PLXNA4: variants seen among roughly 807,000 people sequenced by gnomAD.
The protein encoded by PLXNA4 is plexin-A4.
PLXNA4 carries 44 observed loss-of-function variants against 191.8 expected under a neutral mutation model. The ratio of observed to expected loss-of-function variants is 0.23; its 90% confidence interval spans 0.18 to 0.29. The LOEUF (loss-of-function observed/expected upper bound fraction) is 0.29. PLXNA4 is among the 10% of genes least tolerant of loss of function. PLXNA4 has a pLI of 1.00. For missense variants in PLXNA4, 1,800 were observed against 2,488.8 expected (o/e 0.72, Z 5.89); for synonymous variants, 1,082 against 1,009.5 (o/e 1.07, Z -1.36).
intron 3 of PLXNA4, among the ~76,000 whole-genome samples, chr7:132,336,595 GT>G (rs1444396720): frequency 6.6e-6 from 1 of 152,162 alleles, no homozygotes; most frequent in Non-Finnish European, 1.5e-5. Flanking sequence ...CATCTACTAT[GT>G]GCTAGGTGCT....
chr7:132,361,815 G>T lies in PLXNA4; in HGVS notation c.1372-63593C>A, dbSNP rs114762225. Among the ~76,000 whole-genome samples the T allele has an allele frequency of 5.4e-3, 827 of 152,172 alleles. 6 individuals are homozygous for T. Among genetic ancestry groups the T allele is most frequent in the African/African-American group, 0.019 (806 of 41,504 alleles). On this transcript the variant is annotated intron_variant, in intron 3 of 31. Transcript: ENST00000321063. ...TCCCTCCTGTGTTCTATTATGGTGG[G>T]GGTGTGGCTGTGTGTGTGTGTGTGC...
chr7:132,583,651 GCCCAAGGTGA>G (rs1802450482), intron 2 of PLXNA4, among the ~76,000 whole-genome samples: 2 of 152,204 alleles, frequency 1.3e-5, no homozygotes, highest in African/African-American at 4.8e-5. Context: ...CAGTGCTTAG[GCCCAAGGTGA>G]CCTCTCTCCA....
At chr7:132,289,198 TAGA>T (rs1424440696) in intron 4 of PLXNA4, among the ~76,000 whole-genome samples, 2 of 152,188 alleles carry the variant, frequency 1.3e-5, no homozygotes, top group Non-Finnish European at 2.9e-5. Context: ...TGCAAATAAA[TAGA>T]AGAAGGAAAG....
intron 1 of PLXNA4, among the ~76,000 whole-genome samples, chr7:132,537,344 A>C (rs940452480): frequency 2.0e-5 from 3 of 152,252 alleles, no homozygotes; most frequent in Non-Finnish European, 4.4e-5. Flanking sequence ...CCTACCAAGC[A>C]CGACAAATGA....
intron 14 of PLXNA4, among the ~76,000 whole-genome samples, chr7:132,191,298 TG>T (rs1397143512): frequency 2.0e-5 from 3 of 152,094 alleles, no homozygotes; most frequent in African/African-American, 7.2e-5. Flanking sequence ...GGTGATGGAT[TG>T]ATGTCAGGAA....
rs377085129 is a variant in PLXNA4 at position 132,188,013 on chromosome 7, T to TA, written c.2857-407dup. Reference sequence around the variant, plus strand: ...AGCTAGTTTTCCAAGGTCACACAGCTAAAAAAAAAAAATGGCATAACTGAG... The same window carrying TA: ...AGCTAGTTTTCCAAGGTCACACAGCTAAAAAAAAAAAAATGGCATAACTGAG... On this transcript the variant is annotated intron_variant, in intron 14 of 31. Coordinates refer to ENST00000321063, the MANE Select transcript of PLXNA4 (RefSeq NM_020911.2). Among the ~76,000 whole-genome samples, 1,440 of 144,366 alleles carry TA rather than the reference T, an allele frequency of 1.0e-2. 16 individuals are homozygous for TA. Among genetic ancestry groups the TA allele is most frequent in the African/African-American group, 0.032 (1,258 of 39,504 alleles). 94.7% of individuals were successfully genotyped at this position (144,366 alleles called of 152,430 possible).
chr7:132,225,620 C>CG (rs991607411), intron 8 of PLXNA4, among the ~76,000 whole-genome samples: 4 of 151,288 alleles, frequency 2.6e-5, no homozygotes, highest in Admixed American at 6.8e-5. Flanking sequence ...GAGTCCGCCC[C>CG]CCCCCACAGC....
intron 3 of PLXNA4, among the ~76,000 whole-genome samples, chr7:132,344,322 T>A (rs993954826): frequency 6.6e-6 from 1 of 152,194 alleles, no homozygotes; most frequent in Non-Finnish European, 1.5e-5. Context: ...ATTTTCTACA[T>A]GTGCTACGAT....
At chr7:132,248,366 T>C (rs1049086164) in intron 4 of PLXNA4, among the ~76,000 whole-genome samples, 3 of 152,210 alleles carry the variant, frequency 2.0e-5, no homozygotes, top group African/African-American at 7.2e-5. Flanking sequence ...TGAGGATTCA[T>C]GTCTATTGTA....
intron 3 of PLXNA4, among the ~76,000 whole-genome samples, chr7:132,430,621 A>G (rs1444830525): frequency 3.3e-5 from 5 of 152,188 alleles, no homozygotes; most frequent in Admixed American, 3.3e-4. Context: ...GTCTATAAGA[A>G]CATGCATAGC....
At chr7:132,407,390 G>C (rs146837429) in intron 3 of PLXNA4, among the ~76,000 whole-genome samples, 1 of 152,350 alleles carries the variant, frequency 6.6e-6, no homozygotes, top group African/African-American at 2.4e-5. Context: ...AGTGTGAGAA[G>C]TGTGTTTTTG....
intron 3 of PLXNA4, among the ~76,000 whole-genome samples, chr7:132,436,613 G>A (rs1264139155): frequency 6.6e-6 from 1 of 152,180 alleles, no homozygotes; most frequent in Non-Finnish European, 1.5e-5. Flanking sequence ...GCAAAGAAAA[G>A]TCCCTATGCA....
intron 3 of PLXNA4, among the ~76,000 whole-genome samples, chr7:132,437,579 A>T (rs1795524116): frequency 6.6e-6 from 1 of 151,632 alleles, no homozygotes; most frequent in South Asian, 2.1e-4. Context: ...GAAAAAAAAA[A>T]AAAAAACAGA....
chr7:132,267,200 A>G (rs536281577), intron 4 of PLXNA4, among the ~76,000 whole-genome samples: 1 of 152,338 alleles, frequency 6.6e-6, no homozygotes, highest in South Asian at 2.1e-4. Context: ...AATTTCAGTC[A>G]TCAGTTCACC....
At chr7:132,426,940 C>G (rs1019651206) in intron 3 of PLXNA4, among the ~76,000 whole-genome samples, 1 of 152,128 alleles carries the variant, frequency 6.6e-6, no homozygotes, top group African/African-American at 2.4e-5. Context: ...CCCTAGAGTC[C>G]TAGAGTCCCA....
chr7:132,621,709 A>G (rs967737049), intron 2 of PLXNA4, among the ~76,000 whole-genome samples: 3 of 152,356 alleles, frequency 2.0e-5, no homozygotes, highest in Non-Finnish European at 2.9e-5. Flanking sequence ...ATACTGATAA[A>G]TAGCATTCTG....
intron 4 of PLXNA4, among the ~76,000 whole-genome samples, chr7:132,292,206 A>G (rs376694957): frequency 3.9e-5 from 6 of 152,170 alleles, no homozygotes; most frequent in African/African-American, 1.4e-4. Flanking sequence ...ATGACGCAAA[A>G]TATTTCCCCT....
At chr7:132,297,466 C>T (rs1330091489) in intron 4 of PLXNA4, among the ~76,000 whole-genome samples, 1 of 152,174 alleles carries the variant, frequency 6.6e-6, no homozygotes, top group Admixed American at 6.5e-5. Flanking sequence ...TCGTTCTCAG[C>T]TCAGTTTGAG....
At chr7:132,262,687 G>C (rs1251899677) in intron 4 of PLXNA4, among the ~76,000 whole-genome samples, 1 of 152,098 alleles carries the variant, frequency 6.6e-6, no homozygotes, top group Non-Finnish European at 1.5e-5. Flanking sequence ...CTTATTCCTT[G>C]CGTGCACTAA....
Sources: gnomAD v4.1 joint callset for allele counts (sites outside exome capture counted in the v4.1 genomes callset) on GRCh38, gnomAD v4.1.1 for gene constraint, MANE v1.5 for transcripts, NCBI Gene and HGNC (gene_info 2026-07-23, HGNC 2026-07-21) for gene names.